Variants in FHIT observed in about 807,000 individuals in gnomAD.
The protein encoded by FHIT is fragile histidine triad diadenosine triphosphatase.
A neutral mutation model predicts 17.9 loss-of-function variants in FHIT; 19 were observed. That is an observed-to-expected ratio of 1.06 (90% CI 0.74 to 1.56). The LOEUF (loss-of-function observed/expected upper bound fraction) is 1.56. Ranked by LOEUF, FHIT falls within the 40% of genes most tolerant of loss-of-function variation. The pLI is 0.00. For missense variants in FHIT, 248 were observed against 189.2 expected, an observed-to-expected ratio of 1.31 and a Z score of -1.82; for synonymous variants, 81 against 69.7, an observed-to-expected ratio of 1.16 and a Z score of -0.81.
At chr3:60,546,216 T>A (rs1006432344) in intron 4 of FHIT, among the ~76,000 whole-genome samples, 1 of 152,188 alleles carries the variant, frequency 6.6e-6, no homozygotes, top group Non-Finnish European at 1.5e-5. Flanking sequence ...TTCAGATATT[T>A]TATCTTTTCG....
intron 5 of FHIT, among the ~76,000 whole-genome samples, chr3:60,137,604 G>T (rs1458403093): frequency 2.6e-5 from 4 of 152,142 alleles, no homozygotes; most frequent in African/African-American, 9.6e-5. Context: ...GACACTGATG[G>T]AGACAAAGCT....
Position 60,143,983 on chromosome 3 carries a change from A to G in FHIT, c.104-129831T>C, listed in dbSNP as rs986795971. Among the ~76,000 whole-genome samples the G allele has an allele frequency of 2.0e-5, 3 of 152,152 alleles. No individual in the cohort carries two copies. The South Asian group carries it at 6.2e-4, about 32-fold the overall frequency. ...AAGAGAGACCAACGGCTTCCAAAGT[A>G]ACAACACTAGGCATGAAAGTAGCCC... On this transcript the variant is annotated intron_variant, in intron 5 of 9. Coordinates refer to ENST00000492590, the MANE Select transcript of FHIT (RefSeq NM_002012.4).
chr3:60,824,843 C>A (rs1440711648), intron 3 of FHIT, among the ~76,000 whole-genome samples: 1 of 152,114 alleles, frequency 6.6e-6, no homozygotes, highest in African/African-American at 2.4e-5. Context: ...TGCCTTCCAC[C>A]ATGATTGTGA....
At chr3:60,515,049 G>A (rs1317687544) in intron 5 of FHIT, among the ~76,000 whole-genome samples, 1 of 152,046 alleles carries the variant, frequency 6.6e-6, no homozygotes, top group African/African-American at 2.4e-5. Flanking sequence ...CAGACAAGGT[G>A]AGGCAGGCAG....
At chr3:60,534,940 T>C in intron 5 of FHIT, among the ~76,000 whole-genome samples, 1 of 152,232 alleles carries the variant, frequency 6.6e-6, no homozygotes, top group East Asian at 1.9e-4. Context: ...TTTCTGAGTT[T>C]GTTAAAAAGT....
chr3:60,069,098 T>C (rs909386757), intron 5 of FHIT, among the ~76,000 whole-genome samples: 2 of 151,472 alleles, frequency 1.3e-5, no homozygotes, highest in Non-Finnish European at 2.9e-5. Context: ...AAATATAATA[T>C]GATCCTGTTT....
chr3:60,023,359 C>T (rs1700620543), intron 5 of FHIT, among the ~76,000 whole-genome samples: 1 of 152,200 alleles, frequency 6.6e-6, no homozygotes, highest in African/African-American at 2.4e-5. Context: ...AGTTTCATTT[C>T]ACCAGTATGT....
At chr3:60,940,331 C>A (rs1436350545) in intron 3 of FHIT, among the ~76,000 whole-genome samples, 1 of 150,288 alleles carries the variant, frequency 6.7e-6, no homozygotes, top group East Asian at 1.9e-4. Context: ...AAAAATAAGT[C>A]AATTTTATAG....
At chr3:61,060,468 C>G (rs2034387973) in intron 2 of FHIT, among the ~76,000 whole-genome samples, 1 of 152,174 alleles carries the variant, frequency 6.6e-6, no homozygotes, top group African/African-American at 2.4e-5. Context: ...GAGAAGAAAG[C>G]CAGCAGCTTT....
chr3:61,026,611 A>G (rs2032744546), intron 3 of FHIT, among the ~76,000 whole-genome samples: 1 of 152,138 alleles, frequency 6.6e-6, no homozygotes, highest in African/African-American at 2.4e-5. Context: ...ATGCAGCCCA[A>G]CACAAAATCC....
chr3:60,279,147 T>A (rs567570254), intron 5 of FHIT, among the ~76,000 whole-genome samples: 10 of 152,182 alleles, frequency 6.6e-5, no homozygotes, highest in African/African-American at 2.4e-4. Flanking sequence ...CTAGTCAGGC[T>A]AACCAGGAAA....
intron 4 of FHIT, among the ~76,000 whole-genome samples, chr3:60,587,091 T>C (rs1165611473): frequency 6.6e-6 from 1 of 151,894 alleles, no homozygotes; most frequent in African/African-American, 2.4e-5. Context: ...AAAGTAATCA[T>C]GGAACCAACC....
At chr3:60,789,490 C>T (rs936500731) in intron 4 of FHIT, among the ~76,000 whole-genome samples, 12 of 152,136 alleles carry the variant, frequency 7.9e-5, no homozygotes, top group South Asian at 2.1e-4. Context: ...TGCACTCCAG[C>T]CTGGCGACAG....
intron 5 of FHIT, among the ~76,000 whole-genome samples, chr3:60,458,063 C>A (rs1259031513): frequency 2.6e-5 from 4 of 152,122 alleles, no homozygotes; most frequent in African/African-American, 9.7e-5. Flanking sequence ...TACCATTTGA[C>A]CCAGCCATCC....
intron 3 of FHIT, among the ~76,000 whole-genome samples, chr3:60,823,918 G>A (rs1317598442): frequency 1.3e-5 from 2 of 152,130 alleles, no homozygotes; most frequent in African/African-American, 4.8e-5. Flanking sequence ...AACCTCCCAG[G>A]CAGGTGCATG....
At chr3:60,767,229 G>T (rs1483243830) in intron 4 of FHIT, among the ~76,000 whole-genome samples, 2 of 152,172 alleles carry the variant, frequency 1.3e-5, no homozygotes, top group Non-Finnish European at 2.9e-5. Context: ...AAAGGCAAGT[G>T]AATCTGTATG....
chr3:60,021,765 C>T (rs1465184440), intron 5 of FHIT, among the ~76,000 whole-genome samples: 1 of 152,184 alleles, frequency 6.6e-6, no homozygotes, highest in Admixed American at 6.5e-5. Flanking sequence ...AACACTGTTA[C>T]AATGTCCATG....
At chr3:59,927,474 A>AAC (rs1705723758) in intron 7 of FHIT, among the ~76,000 whole-genome samples, 2 of 151,000 alleles carry the variant, frequency 1.3e-5, no homozygotes, top group African/African-American at 4.9e-5. Flanking sequence ...AAAAAAAAAA[A>AAC]AAAAAACTGA....
chr3:60,609,740 G>A (rs1576965663), intron 4 of FHIT, among the ~76,000 whole-genome samples: 1 of 152,116 alleles, frequency 6.6e-6, no homozygotes, highest in African/African-American at 2.4e-5. Context: ...TCTTCATGAT[G>A]TCTTTGTTCC....
Sources: allele counts gnomAD v4.1 joint callset (sites outside exome capture counted in the v4.1 genomes callset), GRCh38; gene constraint gnomAD v4.1.1; transcripts MANE v1.5; gene names NCBI Gene and HGNC (gene_info 2026-07-23, HGNC 2026-07-21).